The following APBB1IP variants were observed in gnomAD, a reference collection of about 807,000 sequenced individuals.
APBB1IP encodes the protein amyloid beta A4 precursor protein-binding family B member 1-interacting protein.
A neutral mutation model predicts 64.9 loss-of-function variants in APBB1IP; 27 were observed. The ratio of observed to expected loss-of-function variants is 0.42; its 90% CI spans 0.31 to 0.57. The LOEUF (loss-of-function observed/expected upper bound fraction) is 0.57, where lower values mean the gene tolerates loss of function less well. APBB1IP is among the 20% of genes least tolerant of loss of function. The probability of loss-of-function intolerance (pLI) is 0.20; values close to 1 mark genes in which losing one functional copy is unlikely to be tolerated. For missense variants in APBB1IP, 812 were observed against 845.5 expected, an observed-to-expected ratio of 0.96 and a Z score of 0.49; for synonymous variants, 392 against 331.0, an observed-to-expected ratio of 1.18 and a Z score of -2.00.
rs114542878 is a variant in APBB1IP at position 26,535,159 on chromosome 10, A to G, written c.901-915A>G. 2.4e-3 allele frequency among the ~76,000 whole-genome samples: 371 copies of G among 152,230 alleles called. 2 individuals carry two copies. Among genetic ancestry groups the G allele is most frequent in the African/African-American group, 8.6e-3 (357 of 41,554 alleles). On this transcript the variant is annotated intron_variant, in intron 9 of 14. Coordinates refer to ENST00000376236, the MANE Select transcript of APBB1IP (RefSeq NM_019043.4). Reference sequence around the variant, plus strand: ...AACAAAATTTATTAAGAATTCTATAATCCTATGCAAGTTTTGAGATTTAAA... The same window carrying G: ...AACAAAATTTATTAAGAATTCTATAGTCCTATGCAAGTTTTGAGATTTAAA...
chr10:26,508,138 G>T (rs954971176), intron 6 of APBB1IP, among the ~76,000 whole-genome samples: 2 of 152,190 alleles, frequency 1.3e-5, no homozygotes, highest in Non-Finnish European at 2.9e-5. Context: ...TGCATTAAAA[G>T]AATAACCGCA....
intron 2 of APBB1IP, among the ~76,000 whole-genome samples, chr10:26,468,751 C>T (rs1416148001): frequency 6.6e-6 from 1 of 152,232 alleles, no homozygotes; most frequent in East Asian, 1.9e-4. Flanking sequence ...AAGCCCAGCT[C>T]ATCGGCTCTT....
chr10:26,525,287 A>G (rs1482968843), intron 8 of APBB1IP, among the ~76,000 whole-genome samples: 5 of 152,068 alleles, frequency 3.3e-5, no homozygotes, highest in African/African-American at 1.2e-4. Flanking sequence ...TCTAAAAAAG[A>G]AAAAAAGAAA....
intron 2 of APBB1IP, among the ~76,000 whole-genome samples, chr10:26,474,671 T>G (rs1835755860): frequency 6.6e-6 from 1 of 152,268 alleles, no homozygotes; most frequent in African/African-American, 2.4e-5. Context: ...ATTGTCTTCC[T>G]TGCTGAAGCC....
At chr10:26,550,722 G>C (rs1036469017) in intron 11 of APBB1IP, among the ~76,000 whole-genome samples, 1 of 152,138 alleles carries the variant, frequency 6.6e-6, no homozygotes, top group South Asian at 2.1e-4. Flanking sequence ...TTGTCTGCCA[G>C]ATAGCTGGCA....
At chr10:26,515,864 T>C (rs1171615173) in intron 8 of APBB1IP, among the ~76,000 whole-genome samples, 1 of 152,130 alleles carries the variant, frequency 6.6e-6, no homozygotes, top group East Asian at 1.9e-4. Context: ...AGGGATTACC[T>C]CCATATCCCT....
intron 8 of APBB1IP, among the ~76,000 whole-genome samples, chr10:26,528,029 CTG>C (rs1359629875): frequency 1.3e-5 from 2 of 152,088 alleles, no homozygotes; most frequent in African/African-American, 4.8e-5. Context: ...GCACAGAACT[CTG>C]ACATATTCTT....
At chr10:26,501,469 T>C (rs1836098941) in intron 5 of APBB1IP, 2 of 412,780 alleles carry the variant, frequency 4.8e-6, no homozygotes, top group African/African-American at 3.9e-5. Flanking sequence ...GCTCAGTACA[T>C]AGAGAATAGA....
At chr10:26,491,886 C>T (rs762659210) in intron 2 of APBB1IP, among the ~76,000 whole-genome samples, 11 of 151,774 alleles carry the variant, frequency 7.2e-5, no homozygotes, top group East Asian at 3.9e-4. Context: ...CTCAGCCTCC[C>T]GAGTAGCTGG....
At position 26,562,118 on chromosome 10, in the gene APBB1IP, T is replaced by C. The variant is rs1312817453; in HGVS notation, c.1370-208T>C. The C allele has an allele frequency of 1.7e-5, 8 of 462,934 alleles. 1 individual carries two copies. Among genetic ancestry groups the C allele is most frequent in the Non-Finnish European group, 3.2e-5 (8 of 251,450 alleles). The allele number at this position is 462,934 out of a possible 1,614,324, so 28.7% of individuals were successfully genotyped here. On this transcript the variant is annotated intron_variant, in intron 13 of 14. Transcript: ENST00000376236. Reference sequence around the variant, plus strand: ...TCATATAAAGTTTTGTCACAGAACCTCAGATTTTTCTTAAGGTTTTGTGTA... The same window carrying C: ...TCATATAAAGTTTTGTCACAGAACCCCAGATTTTTCTTAAGGTTTTGTGTA...
intron 14 of APBB1IP, among the ~76,000 whole-genome samples, chr10:26,566,062 T>A (rs755503289): frequency 4.6e-5 from 7 of 152,236 alleles, no homozygotes; most frequent in Non-Finnish European, 8.8e-5. Context: ...TAAAGGCCAC[T>A]TTAAACAAAA....
At position 26,506,775 on chromosome 10, in the gene APBB1IP, A is replaced by C. The variant is rs183694419; in HGVS notation, c.531+3501A>C. Among the ~76,000 whole-genome samples, 3 of 152,218 alleles carry C rather than the reference A, an allele frequency of 2.0e-5. No homozygotes were observed. The East Asian group carries it at 5.8e-4, about 29-fold the overall frequency. ...TAGGTGTCAGGATCACACAGAGGTGAACAAGTCAAGTGTGGTCCCTGCTTG... is the reference window on the plus strand; with the variant it reads ...TAGGTGTCAGGATCACACAGAGGTGCACAAGTCAAGTGTGGTCCCTGCTTG... On this transcript the variant is annotated intron_variant, in intron 6 of 14. Transcript: ENST00000376236.
intron 6 of APBB1IP, among the ~76,000 whole-genome samples, chr10:26,511,516 A>G (rs1249653971): frequency 6.6e-6 from 1 of 152,210 alleles, no homozygotes; most frequent in Non-Finnish European, 1.5e-5. Context: ...TGAAGGCTAG[A>G]CAAGGACTGT....
intron 11 of APBB1IP, 92 bp downstream of exon 11, chr10:26,541,784 T>C: frequency 2.3e-6 from 2 of 882,188 alleles, no homozygotes; most frequent in Non-Finnish European, 3.4e-6. Flanking sequence ...GTTAGCCATA[T>C]GTGTAACAAT....
At chr10:26,440,473 G>A (rs1238905049) in intron 2 of APBB1IP, among the ~76,000 whole-genome samples, 1 of 152,156 alleles carries the variant, frequency 6.6e-6, no homozygotes, top group Non-Finnish European at 1.5e-5. Context: ...TTTCTGAGAA[G>A]TTCCTGTAAA....
intron 2 of APBB1IP, among the ~76,000 whole-genome samples, chr10:26,466,326 C>T (rs1173261891): frequency 1.3e-5 from 2 of 152,134 alleles, no homozygotes; most frequent in Non-Finnish European, 2.9e-5. Context: ...ACAGCCATCA[C>T]AAGGCTGGTC....
chr10:26,563,268 C>T (rs1836996905), intron 14 of APBB1IP, among the ~76,000 whole-genome samples: 2 of 151,852 alleles, frequency 1.3e-5, no homozygotes, highest in South Asian at 2.1e-4. Context: ...CAGGAGGATC[C>T]CTTGAGCCCA....
At chr10:26,535,945 G>A in intron 9 of APBB1IP, 129 bp from the exon 10 acceptor site, 1 of 876,160 alleles carries the variant, frequency 1.1e-6, no homozygotes, top group African/African-American at 1.7e-5. Flanking sequence ...ATAAACATAT[G>A]CATTCGATCA....
chr10:26,559,058 G>T (rs533637553), intron 11 of APBB1IP, among the ~76,000 whole-genome samples: 1 of 152,196 alleles, frequency 6.6e-6, no homozygotes, highest in African/African-American at 2.4e-5. Flanking sequence ...TTTGGAAGCA[G>T]AAAAAACCCT....
Sources: gnomAD v4.1 joint callset for allele counts (sites outside exome capture counted in the v4.1 genomes callset) on GRCh38, gnomAD v4.1.1 for gene constraint, MANE v1.5 for transcripts, NCBI Gene and HGNC (gene_info 2026-07-23, HGNC 2026-07-21) for gene names.